The following GPATCH8 variants were observed in gnomAD, a reference collection of about 807,000 sequenced individuals.
GPATCH8 encodes the protein G patch domain-containing protein 8.
A neutral mutation model predicts 118.3 loss-of-function variants in GPATCH8; 18 were observed. That is an observed-to-expected ratio of 0.15 (90% CI 0.11 to 0.23). The LOEUF (loss-of-function observed/expected upper bound fraction) is 0.23. Ranked by LOEUF, GPATCH8 falls within the 10% of genes least tolerant of loss-of-function variation. The pLI, the probability that GPATCH8 is intolerant of heterozygous loss-of-function variation, is 1.00. For synonymous variants in GPATCH8, 659 were observed against 684.7 expected, an observed-to-expected ratio of 0.96 and a Z score of 0.59; for missense variants, 1,631 against 1,873.8, an observed-to-expected ratio of 0.87 and a Z score of 2.39.
In GPATCH8 at chr17:44,401,159, T is replaced by C. The variant is rs2143643144; in HGVS notation, c.918A>G (p.Lys306=). 6.2e-7 allele frequency: 1 copy of C among 1,614,200 alleles called. No homozygotes were observed. The highest frequency in any genetic ancestry group is 8.5e-7 in the Non-Finnish European group (1 of 1,180,022). The change falls in exon 8 of 8, where the codon AAA becomes AAG. Residue 306 remains lysine (K), a synonymous_variant. Transcript: ENST00000591680. ...TTGATTCGAGTTTGACAGGAGCCTT[T>C]TTGGCAAAAGAAAATGACACTCCCA... is the stretch of plus-strand genomic sequence containing the variant. ...QKLGVSFSFA[K]KAPVKLESIA...
At chr17:44,406,080 G>C in intron 6 of GPATCH8, 29 bp from the exon 7 acceptor site, 1 of 1,563,668 alleles carries the variant, frequency 6.4e-7, no homozygotes, top group Middle Eastern at 1.7e-4. Context: ...AGATACAGAG[G>C]GTGGATGATT....
chr17:44,447,356 A>G (rs1296160029), intron 3 of GPATCH8, among the ~76,000 whole-genome samples: 3 of 149,122 alleles, frequency 2.0e-5, no homozygotes, highest in African/African-American at 7.5e-5. Flanking sequence ...ACAGGGTTTC[A>G]CTATATTGGC....
intron 3 of GPATCH8, among the ~76,000 whole-genome samples, chr17:44,463,018 A>C (rs1270271718): frequency 6.6e-6 from 1 of 151,342 alleles, no homozygotes; most frequent in Non-Finnish European, 1.5e-5. Context: ...AAATAAATAA[A>C]TAACTGAAAC....
At position 44,414,147 on chromosome 17, in the gene GPATCH8, ATATATATATGTG is replaced by A. The variant is rs1567955898; in HGVS notation, c.493-8108_493-8097del. On this transcript the variant is annotated intron_variant, in intron 6 of 7. Coordinates refer to ENST00000591680, the MANE Select transcript of GPATCH8 (RefSeq NM_001002909.4). ...TATATGTGTATATATATATATGTGT[ATATATATATGTG>A]TATATATATATATGAACATATACAT... Among the ~76,000 whole-genome samples, 64 of 23,762 alleles carry A rather than the reference ATATATATATGTG, an allele frequency of 2.7e-3. No individual in the cohort carries two copies. In the Middle Eastern group the frequency reaches 0.12, roughly 43 times the overall value. The allele number at this position is 23,762 out of a possible 152,430, so 15.6% of individuals were successfully genotyped here. A position where few individuals can be genotyped will look rare whatever the true frequency, so the allele number is the denominator to read the frequency against.
intron 6 of GPATCH8, among the ~76,000 whole-genome samples, chr17:44,413,311 C>G (rs1315502750): frequency 6.6e-6 from 1 of 152,156 alleles, no homozygotes; most frequent in Non-Finnish European, 1.5e-5. Context: ...CCCTCTATCA[C>G]CCAGGATGGA....
At chr17:44,494,651 C>G (rs1389387231) in intron 1 of GPATCH8, among the ~76,000 whole-genome samples, 19 of 152,184 alleles carry the variant, frequency 1.2e-4, no homozygotes, top group Non-Finnish European at 2.8e-4. Context: ...TATACACCCT[C>G]TACTCCTTTG....
At chr17:44,480,135 A>C (rs1244149385) in intron 1 of GPATCH8, among the ~76,000 whole-genome samples, 1 of 152,210 alleles carries the variant, frequency 6.6e-6, no homozygotes, top group Non-Finnish European at 1.5e-5. Flanking sequence ...AAACAACCCA[A>C]TTTTTAAAGT....
chr17:44,478,123 G>C (rs1221821564), intron 1 of GPATCH8, among the ~76,000 whole-genome samples: 3 of 152,172 alleles, frequency 2.0e-5, no homozygotes, highest in African/African-American at 7.2e-5. Flanking sequence ...ACCAAGCGCA[G>C]CCTGAAAGTC....
intron 5 of GPATCH8, among the ~76,000 whole-genome samples, chr17:44,429,243 G>GTATA (rs1352514514): frequency 6.6e-6 from 1 of 152,148 alleles, no homozygotes; most frequent in Admixed American, 6.5e-5. Flanking sequence ...TATCAACACA[G>GTATA]TATAATACAG....
At chr17:44,489,408 T>G (rs1199305143) in intron 1 of GPATCH8, among the ~76,000 whole-genome samples, 1 of 151,500 alleles carries the variant, frequency 6.6e-6, no homozygotes, top group African/African-American at 2.4e-5. Context: ...TGGTGCCATC[T>G]TGGCTCACTG....
intron 6 of GPATCH8, among the ~76,000 whole-genome samples, chr17:44,411,409 C>G (rs2049426488): frequency 6.6e-6 from 1 of 152,162 alleles, no homozygotes. Flanking sequence ...ATGCTTCTCT[C>G]TACCATCAAA....
intron 2 of GPATCH8, among the ~76,000 whole-genome samples, chr17:44,470,494 CTTTT>C (rs35343849): frequency 6.6e-5 from 5 of 76,314 alleles, no homozygotes; most frequent in Admixed American, 1.5e-4. Flanking sequence ...GCACCCAGCG[CTTTT>C]TTTTTTTTTT....
chr17:44,468,036 C>G (rs1966939895), intron 2 of GPATCH8, among the ~76,000 whole-genome samples: 1 of 149,226 alleles, frequency 6.7e-6, no homozygotes, highest in African/African-American at 2.5e-5. Flanking sequence ...GAGTCTCACT[C>G]TGTAGCTCAG....
intron 6 of GPATCH8, among the ~76,000 whole-genome samples, chr17:44,417,228 C>G (rs954590543): frequency 6.6e-6 from 1 of 152,130 alleles, no homozygotes; most frequent in Non-Finnish European, 1.5e-5. Flanking sequence ...AGTAAGTAAT[C>G]TTGTCAAAAA....
chr17:44,401,878 C>A (rs76020426), intron 7 of GPATCH8, among the ~76,000 whole-genome samples: 5 of 152,026 alleles, frequency 3.3e-5, no homozygotes, highest in African/African-American at 7.2e-5. Flanking sequence ...GTGGCACACA[C>A]CTGTAATCCC....
At chr17:44,457,783 A>G (rs889860177) in intron 3 of GPATCH8, among the ~76,000 whole-genome samples, 3 of 152,034 alleles carry the variant, frequency 2.0e-5, no homozygotes, top group Non-Finnish European at 4.4e-5. Flanking sequence ...AAATTTCTTA[A>G]AAATTAGTCA....
intron 7 of GPATCH8, among the ~76,000 whole-genome samples, chr17:44,403,610 A>T (rs1185602318): frequency 1.3e-5 from 2 of 152,164 alleles, no homozygotes; most frequent in Admixed American, 6.5e-5. Context: ...ACCTATTTAT[A>T]TGATGTCCTT....
Position 44,401,188 on chromosome 17 carries a change from T to G in GPATCH8, c.889A>C (p.Lys297Gln). ...GCAAAAGAAAATGACACTCCCAATT[T>G]TTGCAATGGGGTCCCCAGATTATTC... ...IKNNLGTPLQ[K>Q]LGVSFSFAKK... Residue 297 changes from lysine (K) to glutamine (Q), a missense_variant, in exon 8 of 8, where the codon AAA becomes CAA. Lys to Gln is a moderately conservative substitution (Grantham distance 53). Around this residue, in one of 8 missense-constraint regions of GPATCH8, gnomAD observed 405 missense variants for 462.7 expected, o/e 0.88. Coordinates refer to ENST00000591680, the MANE Select transcript of GPATCH8 (RefSeq NM_001002909.4). The G allele has an allele frequency of 6.2e-7, 1 of 1,614,130 alleles. No individual in the cohort carries two copies. Among genetic ancestry groups the G allele is most frequent in the Non-Finnish European group, 8.5e-7 (1 of 1,180,000 alleles).
chr17:44,429,793 G>A (rs2050235573), intron 5 of GPATCH8, among the ~76,000 whole-genome samples: 1 of 152,010 alleles, frequency 6.6e-6, no homozygotes, highest in Non-Finnish European at 1.5e-5. Context: ...GAACTCAGGA[G>A]GTGAAGGCTG....
Sources: gnomAD v4.1 joint callset for allele counts (sites outside exome capture counted in the v4.1 genomes callset) on GRCh38, gnomAD v4.1.1 for gene constraint, gnomAD v4.1.1 regional missense constraint, MANE v1.5 for transcripts, NCBI Gene and HGNC (gene_info 2026-07-23, HGNC 2026-07-21) for gene names.